Variants in CTNNA2 observed in about 807,000 individuals in gnomAD.
CTNNA2 encodes the protein catenin alpha-2.
In CTNNA2, 42 loss-of-function variants were observed where a neutral mutation model predicts 101.0. That is an observed-to-expected ratio of 0.42 (90% CI 0.32 to 0.54). The LOEUF (loss-of-function observed/expected upper bound fraction) is 0.54, where lower values mean the gene tolerates loss of function less well. Ranked by LOEUF, CTNNA2 falls within the 20% of genes least tolerant of loss-of-function variation. CTNNA2 has a pLI of 0.14. For missense variants in CTNNA2, 871 were observed against 1,223.1 expected, an observed-to-expected ratio of 0.71 and a Z score of 4.29; for synonymous variants, 450 against 456.4, an observed-to-expected ratio of 0.99 and a Z score of 0.18.
At chr2:80,292,166 T>C (rs971493987) in intron 7 of CTNNA2, among the ~76,000 whole-genome samples, 2 of 152,150 alleles carry the variant, frequency 1.3e-5, no homozygotes, top group Admixed American at 1.3e-4. Flanking sequence ...TCATCTTTTA[T>C]TTAGAAAACA....
chr2:79,506,115 C>CAA (rs1047289737), intron 5 of CTNNA2, among the ~76,000 whole-genome samples: 11 of 152,058 alleles, frequency 7.2e-5, no homozygotes, highest in African/African-American at 1.9e-4. Context: ...TTTAATCAGC[C>CAA]AAACACTTTT....
chr2:79,533,851 A>G (rs143398441), intron 1 of CTNNA2, among the ~76,000 whole-genome samples: 123 of 152,294 alleles, frequency 8.1e-4, no homozygotes, highest in Non-Finnish European at 1.4e-3. Flanking sequence ...ACACTTAAAT[A>G]TCATATATCC....
intron 3 of CTNNA2, among the ~76,000 whole-genome samples, chr2:79,796,358 G>C (rs893905973): frequency 3.6e-5 from 5 of 137,496 alleles, no homozygotes; most frequent in Non-Finnish European, 7.5e-5. Context: ...TTGCGCCGCT[G>C]CATTCCAGCC....
intron 1 of CTNNA2, among the ~76,000 whole-genome samples, chr2:79,520,345 T>G (rs971762418): frequency 6.6e-6 from 1 of 152,234 alleles, no homozygotes. Flanking sequence ...ATTTTTATAT[T>G]CCTTTTTGCA....
At chr2:79,738,019 G>T (rs1370622121) in intron 2 of CTNNA2, among the ~76,000 whole-genome samples, 1 of 152,152 alleles carries the variant, frequency 6.6e-6, no homozygotes, top group Non-Finnish European at 1.5e-5. Context: ...ACAACATATC[G>T]CAAGAAAGAG....
intron 3 of CTNNA2, among the ~76,000 whole-genome samples, chr2:79,323,224 C>T (rs1676664654): frequency 6.6e-6 from 1 of 152,198 alleles, no homozygotes; most frequent in South Asian, 2.1e-4. Context: ...GAAATATTCA[C>T]ATTCTAAAGC....
intron 18 of CTNNA2, among the ~76,000 whole-genome samples, chr2:80,633,153 T>C (rs777704681): frequency 1.6e-4 from 24 of 152,200 alleles, no homozygotes; most frequent in African/African-American, 4.3e-4. Flanking sequence ...TTATAAATTA[T>C]ATTATCAGCC....
At chr2:79,360,374 C>T (rs995806701) in intron 3 of CTNNA2, among the ~76,000 whole-genome samples, 1 of 152,130 alleles carries the variant, frequency 6.6e-6, no homozygotes, top group African/African-American at 2.4e-5. Flanking sequence ...CAATCAGAGA[C>T]AAGACACCAA....
intron 9 of CTNNA2, among the ~76,000 whole-genome samples, chr2:80,510,961 G>C (rs920751714): frequency 2.4e-5 from 3 of 125,108 alleles, no homozygotes; most frequent in Non-Finnish European, 5.3e-5. Context: ...TGTTAGCAAA[G>C]AGACACTGTA....
In CTNNA2 at chr2:79,635,610, T is replaced by C. The variant is rs1032055956; in HGVS notation, c.-5-15942T>C. On this transcript the variant is annotated intron_variant, in intron 1 of 18. Transcript: ENST00000402739. ...CCTCTGCCTCCCAGGCTCAAGCAAT[T>C]TTCCTGCCTCACCCTCCCAAGTAGC... 6.0e-5 allele frequency among the ~76,000 whole-genome samples: 9 copies of C among 150,852 alleles called. No homozygotes were observed. The South Asian group carries it at 1.9e-3, about 32-fold the overall frequency.
intron 2 of CTNNA2, among the ~76,000 whole-genome samples, chr2:79,738,724 C>A (rs1432656315): frequency 6.6e-6 from 1 of 152,150 alleles, no homozygotes; most frequent in African/African-American, 2.4e-5. Context: ...ATTTTAGCAA[C>A]CTGTTAACTA....
At chr2:79,633,413 G>T (rs1679821987) in intron 1 of CTNNA2, among the ~76,000 whole-genome samples, 1 of 152,042 alleles carries the variant, frequency 6.6e-6, no homozygotes, top group Non-Finnish European at 1.5e-5. Context: ...CTCCAAACTT[G>T]AGTTAAAAAA....
chr2:79,215,181 A>C (rs1427917966), intron 2 of CTNNA2, among the ~76,000 whole-genome samples: 6 of 152,026 alleles, frequency 3.9e-5, no homozygotes, highest in Non-Finnish European at 8.8e-5. Context: ...GAACAGTCCG[A>C]TTTTCAGTGG....
rs1676449370 is a variant in CTNNA2, at chr2:80,302,651, G to C, written c.1057-90560G>C. 2.5e-6 allele frequency: 4 copies of C among 1,608,998 alleles called. No homozygotes were observed. Among genetic ancestry groups the C allele is most frequent in the Non-Finnish European group, 3.4e-6 (4 of 1,178,718 alleles). ...CCCGCCGTCCGCGAGCGTGGTGGCC[G>C]AGCTGGCAGGGGGCCCCAGATCACT... On this transcript the variant is annotated intron_variant, in intron 7 of 18. Coordinates refer to ENST00000402739, the MANE Select transcript of CTNNA2 (RefSeq NM_001282597.3). This position sits in a 1 kb window ranked among gnomAD's most constrained non-coding sequence, Gnocchi z 6.4.
intron 7 of CTNNA2, among the ~76,000 whole-genome samples, chr2:80,028,853 T>C (rs1340530133): frequency 6.6e-6 from 1 of 152,214 alleles, no homozygotes; most frequent in Non-Finnish European, 1.5e-5. Context: ...ATAGATTTCT[T>C]TGTAAAGTTT....
At chr2:79,771,469 A>G (rs2105145744) in intron 3 of CTNNA2, among the ~76,000 whole-genome samples, 1 of 152,336 alleles carries the variant, frequency 6.6e-6, no homozygotes, top group Admixed American at 6.5e-5. Flanking sequence ...AAATAATTAT[A>G]CAACTCACCA....
intron 2 of CTNNA2, among the ~76,000 whole-genome samples, chr2:79,691,271 T>C (rs78064189): frequency 0.084 from 12,833 of 152,074 alleles, 586 homozygotes; most frequent in Non-Finnish European, 0.11. Flanking sequence ...TCTATATTCC[T>C]TTTTCTTATT....
chr2:80,583,853 C>A (rs2149723154), intron 14 of CTNNA2, among the ~76,000 whole-genome samples: 2 of 152,174 alleles, frequency 1.3e-5, no homozygotes, highest in South Asian at 2.1e-4. Flanking sequence ...ACACTAGTGT[C>A]TTTTCTGAGA....
chr2:79,835,472 TA>T (rs1238472385), intron 3 of CTNNA2, among the ~76,000 whole-genome samples: 4 of 152,048 alleles, frequency 2.6e-5, no homozygotes, highest in African/African-American at 9.7e-5. Context: ...TGAATGTTGA[TA>T]TTCCCCTAGC....
Sources: gnomAD v4.1 joint callset for allele counts (sites outside exome capture counted in the v4.1 genomes callset) on GRCh38, gnomAD v4.1.1 for gene constraint, Gnocchi (gnomAD v3.1) non-coding constraint, MANE v1.5 for transcripts, NCBI Gene and HGNC (gene_info 2026-07-23, HGNC 2026-07-21) for gene names.